The following NAALADL2 variants were observed in gnomAD, a reference collection of about 807,000 sequenced individuals.
NAALADL2 encodes the protein N-acetylated alpha-linked acidic dipeptidase like 2.
In NAALADL2, 76 loss-of-function variants were observed where a neutral mutation model predicts 87.2. The ratio of observed to expected loss-of-function variants is 0.87; its 90% CI spans 0.72 to 1.05. The LOEUF is 1.05. Among genes scored for constraint, NAALADL2 ranks in the 50% least tolerant of loss-of-function variants. The probability of loss-of-function intolerance (pLI) is 0.00; values close to 1 mark genes in which losing one functional copy is unlikely to be tolerated. For synonymous variants in NAALADL2, 354 were observed against 331.0 expected, an observed-to-expected ratio of 1.07 and a Z score of -0.75; for missense variants, 1,089 against 945.8, an observed-to-expected ratio of 1.15 and a Z score of -1.99.
At chr3:174,729,447 G>A (rs542561927) in intron 2 of NAALADL2, among the ~76,000 whole-genome samples, 11 of 152,086 alleles carry the variant, frequency 7.2e-5, no homozygotes, top group African/African-American at 2.4e-4. Flanking sequence ...CAGGTAGACT[G>A]GGTTGGATTT....
intron 11 of NAALADL2, among the ~76,000 whole-genome samples, chr3:175,644,884 A>T (rs1021606621): frequency 6.6e-5 from 10 of 152,156 alleles, no homozygotes; most frequent in Non-Finnish European, 1.3e-4. Context: ...AGTGATTGCA[A>T]TAGCAAACAA....
chr3:175,173,564 T>G (rs892103435), intron 2 of NAALADL2, among the ~76,000 whole-genome samples: 10 of 152,196 alleles, frequency 6.6e-5, no homozygotes, highest in South Asian at 2.1e-4. Context: ...GATTTAATCT[T>G]AAATATGAAC....
intron 1 of NAALADL2, chr3:174,864,034 A>G (rs1178137401): frequency 2.2e-6 from 1 of 455,604 alleles, no homozygotes; most frequent in Non-Finnish European, 4.4e-6. Flanking sequence ...TCAAAACAAA[A>G]TCAAGCAAAT....
intron 4 of NAALADL2, among the ~76,000 whole-genome samples, chr3:175,294,245 G>A (rs1311795829): frequency 6.6e-6 from 1 of 152,104 alleles, no homozygotes; most frequent in Non-Finnish European, 1.5e-5. Context: ...TACTTTTCAA[G>A]TTTGTTGTTC....
chr3:175,005,617 G>A (rs1056873739), intron 1 of NAALADL2, among the ~76,000 whole-genome samples: 2 of 152,134 alleles, frequency 1.3e-5, no homozygotes, highest in African/African-American at 4.8e-5. Context: ...TAGAAGAGAA[G>A]AAGAGAAACT....
At chr3:174,715,211 C>T (rs1341142439) in intron 2 of NAALADL2, among the ~76,000 whole-genome samples, 8 of 152,046 alleles carry the variant, frequency 5.3e-5, no homozygotes, top group Admixed American at 4.6e-4. Flanking sequence ...CCTAGTTATA[C>T]CTTCCAACTA....
At chr3:175,032,425 A>G (rs1752908672) in intron 1 of NAALADL2, among the ~76,000 whole-genome samples, 1 of 152,078 alleles carries the variant, frequency 6.6e-6, no homozygotes, top group Admixed American at 6.6e-5. Context: ...CAAGAATTAT[A>G]TTGCTCATTG....
chr3:174,444,688 T>C (rs1471102134), intron 1 of NAALADL2, among the ~76,000 whole-genome samples: 1 of 152,202 alleles, frequency 6.6e-6, no homozygotes, highest in African/African-American at 2.4e-5. Flanking sequence ...ATTACCGTTA[T>C]TATCAAACAA....
At chr3:174,987,881 A>T (rs891937942) in intron 1 of NAALADL2, among the ~76,000 whole-genome samples, 6 of 148,106 alleles carry the variant, frequency 4.1e-5, no homozygotes, top group African/African-American at 7.7e-5. Context: ...TAGGTTGCCC[A>T]GGCTTGTCTT....
At chr3:174,774,059 A>G (rs1714905617) in intron 3 of NAALADL2, among the ~76,000 whole-genome samples, 1 of 152,090 alleles carries the variant, frequency 6.6e-6, no homozygotes, top group African/African-American at 2.4e-5. Flanking sequence ...CCTTTCCATT[A>G]TCTCTCTACT....
At chr3:175,736,435 A>G (rs1305578398) in intron 11 of NAALADL2, among the ~76,000 whole-genome samples, 5 of 152,246 alleles carry the variant, frequency 3.3e-5, no homozygotes, top group African/African-American at 1.2e-4. Context: ...AAGGAGGTTT[A>G]TTGGAAGCCA....
chr3:174,550,433 A>G (rs1015442058), intron 1 of NAALADL2: 11 of 152,062 alleles, frequency 7.2e-5, no homozygotes, highest in Non-Finnish European at 1.5e-4. Flanking sequence ...AACATAGTTA[A>G]AAGATTCTGC....
At chr3:175,144,960 C>A (rs905285847) in intron 2 of NAALADL2, among the ~76,000 whole-genome samples, 1 of 151,980 alleles carries the variant, frequency 6.6e-6, no homozygotes, top group African/African-American at 2.4e-5. Context: ...GGTAACAAGT[C>A]TTTTTTCTTT....
intron 9 of NAALADL2, among the ~76,000 whole-genome samples, chr3:175,552,546 A>C (rs1714593348): frequency 6.6e-6 from 1 of 152,152 alleles, no homozygotes. Flanking sequence ...GTAGTTGTCA[A>C]AATCTGAATG....
At chr3:175,507,583 G>A (rs2193846) in intron 9 of NAALADL2, among the ~76,000 whole-genome samples, 107,136 of 151,858 alleles carry the variant, frequency 0.71, 40,208 homozygotes, top group East Asian at 0.88. Flanking sequence ...TAACCATGCC[G>A]AACTAATTTT....
At chr3:175,190,438 A>G (rs1737972171) in intron 2 of NAALADL2, among the ~76,000 whole-genome samples, 1 of 152,186 alleles carries the variant, frequency 6.6e-6, no homozygotes, top group African/African-American at 2.4e-5. Context: ...CAGGTAAATG[A>G]AAAGGTGCTT....
At chr3:175,605,643 T>TTTTTTTTG (rs1723603820) in intron 10 of NAALADL2, among the ~76,000 whole-genome samples, 1 of 94,606 alleles carries the variant, frequency 1.1e-5, no homozygotes, top group Admixed American at 1.4e-4. Flanking sequence ...ATTGCTTGTT[T>TTTTTTTTG]TTTTTTTTTT....
chr3:174,680,517 T>A (rs2108824829), intron 2 of NAALADL2, among the ~76,000 whole-genome samples: 1 of 152,330 alleles, frequency 6.6e-6, no homozygotes, highest in Middle Eastern at 3.4e-3. Context: ...GGCATTTATC[T>A]GAAAACAAAA....
At chr3:175,116,856 A>G (rs1229977351) in intron 2 of NAALADL2, among the ~76,000 whole-genome samples, 1 of 152,162 alleles carries the variant, frequency 6.6e-6, no homozygotes, top group Non-Finnish European at 1.5e-5. Flanking sequence ...ACCTGACTTC[A>G]AACTATACTA....
Sources: gnomAD v4.1 joint callset for allele counts (sites outside exome capture counted in the v4.1 genomes callset) on GRCh38, gnomAD v4.1.1 for gene constraint, MANE v1.5 for transcripts, NCBI Gene and HGNC (gene_info 2026-07-23, HGNC 2026-07-21) for gene names.